Variants in TBC1D1 observed in about 807,000 individuals in gnomAD.
The protein encoded by TBC1D1 is TBC1 (tre-2/USP6, BUB2, cdc16) domain family, member 1.
Under a neutral mutation model 125.6 loss-of-function variants are expected in TBC1D1, and 89 were observed. The ratio of observed to expected loss-of-function variants is 0.71; its 90% CI spans 0.60 to 0.85. TBC1D1 has a LOEUF of 0.85. TBC1D1 is among the 40% of genes least tolerant of loss of function. The pLI is 0.00. For missense variants in TBC1D1, 1,377 were observed against 1,469.2 expected, an observed-to-expected ratio of 0.94 and a Z score of 1.03; for synonymous variants, 565 against 564.1, an observed-to-expected ratio of 1.00 and a Z score of -0.02.
intron 17 of TBC1D1, chr4:38,120,117 T>C (rs1377334090): frequency 1.0e-6 from 1 of 985,212 alleles, no homozygotes; most frequent in Non-Finnish European, 1.2e-6. Flanking sequence ...AGGTAAGATA[T>C]TTTTCTGTAG....
At chr4:38,007,246 TATTA>T (rs1485719522) in intron 2 of TBC1D1, 2 of 152,330 alleles carry the variant, frequency 1.3e-5, no homozygotes, top group Non-Finnish European at 2.9e-5. Flanking sequence ...TTTATTTATT[TATTA>T]ATTTATTATT....
intron 2 of TBC1D1, among the ~76,000 whole-genome samples, chr4:37,916,384 C>T (rs534634527): frequency 3.3e-5 from 5 of 151,760 alleles, no homozygotes; most frequent in Non-Finnish European, 5.9e-5. Flanking sequence ...ATACTTTAAA[C>T]ATCTTTTTAT....
intron 2 of TBC1D1, among the ~76,000 whole-genome samples, chr4:37,920,699 AC>A (rs1189327945): frequency 6.6e-6 from 1 of 152,150 alleles, no homozygotes; most frequent in Non-Finnish European, 1.5e-5. Flanking sequence ...AGCAAGGAAC[AC>A]TGGGGAATGT....
chr4:38,123,496 G>T (rs560207287), intron 17 of TBC1D1, among the ~76,000 whole-genome samples: 1 of 152,238 alleles, frequency 6.6e-6, no homozygotes, highest in Admixed American at 6.5e-5. Context: ...TCTTCAATTG[G>T]CCTGCCTTGG....
chr4:38,046,419 G>A (rs941206442), intron 10 of TBC1D1, among the ~76,000 whole-genome samples: 2 of 151,344 alleles, frequency 1.3e-5, no homozygotes, highest in Non-Finnish European at 2.9e-5. Flanking sequence ...AATTAATATT[G>A]GGAAAACATC....
intron 3 of TBC1D1, among the ~76,000 whole-genome samples, chr4:38,017,187 A>G (rs2152430950): frequency 6.6e-6 from 1 of 152,322 alleles, no homozygotes. Flanking sequence ...GGTTATTTTT[A>G]AAAATAAGTA....
At chr4:38,008,111 T>C (rs1740718469) in intron 2 of TBC1D1, among the ~76,000 whole-genome samples, 1 of 152,272 alleles carries the variant, frequency 6.6e-6, no homozygotes, top group Non-Finnish European at 1.5e-5. Context: ...GTGAAGGGGC[T>C]GGACTTTGAG....
chr4:38,029,696 C>G (rs1745773014), intron 7 of TBC1D1, among the ~76,000 whole-genome samples: 1 of 152,154 alleles, frequency 6.6e-6, no homozygotes, highest in South Asian at 2.1e-4. Context: ...CGTTAGAGGT[C>G]TTGTCTTATT....
At chr4:37,978,808 T>C (rs1184511334) in intron 2 of TBC1D1, among the ~76,000 whole-genome samples, 1 of 152,270 alleles carries the variant, frequency 6.6e-6, no homozygotes. Flanking sequence ...CGAGTGTCAG[T>C]ACGTTGGAAA....
rs1475217971 is a variant in TBC1D1 at position 38,052,199 on chromosome 4, G to GCA, written c.1911-1999_1911-1998insAC. On this transcript the variant is annotated intron_variant, in intron 11 of 19. Transcript: ENST00000261439. ...TGTGTGTGTGTGTGTGTGTGTGCGC[G>GCA]CGCGTGTGTGTCTTTGTTTATATTT... 22 of 691,994 alleles carry GCA rather than the reference G, an allele frequency of 3.2e-5. No individual in the cohort carries two copies. In the African/African-American group the frequency reaches 3.8e-4, roughly 12 times the overall value. The allele number at this position is 691,994 out of a possible 1,614,324, so 42.9% of individuals were successfully genotyped here.
chr4:37,896,814 T>C (rs1001200383), intron 1 of TBC1D1, among the ~76,000 whole-genome samples: 1 of 151,746 alleles, frequency 6.6e-6, no homozygotes, highest in African/African-American at 2.4e-5. Flanking sequence ...AAAAGGAGCT[T>C]GTTAGCTTTA....
At chr4:37,973,567 AT>A (rs1055673238) in intron 2 of TBC1D1, among the ~76,000 whole-genome samples, 1 of 152,056 alleles carries the variant, frequency 6.6e-6, no homozygotes, top group Non-Finnish European at 1.5e-5. Flanking sequence ...AGTTCTGGGC[AT>A]TTTTGGAGAG....
At chr4:37,978,690 T>C (rs1049130132) in intron 2 of TBC1D1, among the ~76,000 whole-genome samples, 1 of 126,770 alleles carries the variant, frequency 7.9e-6, no homozygotes. Flanking sequence ...AATCACTTCC[T>C]GAAACATAGC....
intron 13 of TBC1D1, among the ~76,000 whole-genome samples, chr4:38,093,256 T>C (rs1050994733): frequency 1.3e-5 from 2 of 152,132 alleles, no homozygotes; most frequent in Non-Finnish European, 2.9e-5. Context: ...TAGAAGGATG[T>C]GTATGAGGAA....
At chr4:38,039,743 G>A (rs989232883) in intron 8 of TBC1D1, among the ~76,000 whole-genome samples, 1 of 152,170 alleles carries the variant, frequency 6.6e-6, no homozygotes, top group East Asian at 1.9e-4. Flanking sequence ...CATGCTTAGA[G>A]TTTACCCCAT....
intron 2 of TBC1D1, chr4:38,006,682 T>G (rs529650915): frequency 1.8e-5 from 5 of 280,026 alleles, no homozygotes; most frequent in Non-Finnish European, 3.5e-5. Context: ...GGTTTCACCA[T>G]GTTAGCCAGG....
At chr4:37,967,089 A>T (rs1487206191) in intron 2 of TBC1D1, among the ~76,000 whole-genome samples, 1 of 152,224 alleles carries the variant, frequency 6.6e-6, no homozygotes. Flanking sequence ...TGCAATTCGA[A>T]TCCAAAATTC....
At chr4:37,974,949 G>A (rs935671082) in intron 2 of TBC1D1, among the ~76,000 whole-genome samples, 3 of 152,202 alleles carry the variant, frequency 2.0e-5, no homozygotes, top group Non-Finnish European at 4.4e-5. Context: ...CCCCTGTAGG[G>A]TCTAGCCCCA....
At chr4:37,896,901 T>A (rs1441052745) in intron 1 of TBC1D1, among the ~76,000 whole-genome samples, 1 of 152,062 alleles carries the variant, frequency 6.6e-6, no homozygotes, top group Non-Finnish European at 1.5e-5. Context: ...ATTGAAACTG[T>A]TCTAATAAAG....
Sources: gnomAD v4.1 joint callset for allele counts (sites outside exome capture counted in the v4.1 genomes callset) on GRCh38, gnomAD v4.1.1 for gene constraint, MANE v1.5 for transcripts, NCBI Gene and HGNC (gene_info 2026-07-23, HGNC 2026-07-21) for gene names.